LRCH1: variants seen among roughly 807,000 people sequenced by gnomAD.
LRCH1 encodes the protein leucine rich repeats and calponin homology domain containing 1.
In LRCH1, 23 loss-of-function variants were observed where a neutral mutation model predicts 94.9. That is an observed-to-expected ratio of 0.24 (90% CI 0.17 to 0.34). LRCH1 has a LOEUF of 0.34. LRCH1 is among the 10% of genes least tolerant of loss of function. The pLI, the probability that LRCH1 is intolerant of heterozygous loss-of-function variation, is 1.00. For missense variants in LRCH1, 790 were observed against 945.9 expected (o/e 0.84, Z 2.16); for synonymous variants, 364 against 354.9 (o/e 1.03, Z -0.29).
At chr13:46,680,315 A>C (rs2138140050) in intron 3 of LRCH1, 1 of 152,310 alleles carries the variant, frequency 6.6e-6, no homozygotes, top group African/African-American at 2.4e-5. Flanking sequence ...TTGGCACTCC[A>C]CCTGGCAGTG....
intron 2 of LRCH1, among the ~76,000 whole-genome samples, chr13:46,656,703 G>C (rs766747929): frequency 2.0e-5 from 3 of 152,232 alleles, no homozygotes; most frequent in Non-Finnish European, 4.4e-5. Flanking sequence ...TTTACGCTTT[G>C]CCTTTTCTAG....
intron 16 of LRCH1, among the ~76,000 whole-genome samples, chr13:46,716,786 G>A (rs985707330): frequency 6.6e-6 from 1 of 151,998 alleles, no homozygotes; most frequent in African/African-American, 2.4e-5. Context: ...AAATAAATAG[G>A]ATTAAAAAAC....
intron 3 of LRCH1, among the ~76,000 whole-genome samples, chr13:46,674,561 T>C (rs1054982074): frequency 6.6e-6 from 1 of 152,236 alleles, no homozygotes; most frequent in African/African-American, 2.4e-5. Flanking sequence ...CTGAATGACT[T>C]CTATGTGCTC....
Position 46,696,068 on chromosome 13 carries a change from G to A in LRCH1, c.1245+1051G>A, listed in dbSNP as rs11841904. ...AGGTCACACCCATTGCCTTGTTTCT[G>A]TCCCCTGTCTCCATTGACATTGCTT... On this transcript the variant is annotated intron_variant, in intron 9 of 19. Coordinates refer to ENST00000389797, the MANE Select transcript of LRCH1 (RefSeq NM_001164211.2). 6.8e-3 allele frequency among the ~76,000 whole-genome samples: 1,041 copies of A among 152,158 alleles called. 15 individuals carry two copies. Among genetic ancestry groups the A allele is most frequent in the African/African-American group, 0.024 (976 of 41,526 alleles).
At chr13:46,707,939 A>T (rs1871854205) in intron 13 of LRCH1, among the ~76,000 whole-genome samples, 1 of 152,188 alleles carries the variant, frequency 6.6e-6, no homozygotes. Flanking sequence ...CTGAGTGATG[A>T]TGCAGGATTT....
intron 16 of LRCH1, among the ~76,000 whole-genome samples, chr13:46,721,292 G>A (rs1872572917): frequency 1.3e-5 from 2 of 152,162 alleles, no homozygotes; most frequent in Non-Finnish European, 2.9e-5. Flanking sequence ...GAAAGTAACA[G>A]CTCCAAAGAA....
intron 1 of LRCH1, among the ~76,000 whole-genome samples, chr13:46,573,866 A>ATATTT: frequency 4.7e-5 from 3 of 63,414 alleles, no homozygotes; most frequent in African/African-American, 1.6e-4. Flanking sequence ...ATATATATAT[A>ATATTT]TTTTTTTTTT....
chr13:46,645,978 G>A (rs1024044634), intron 1 of LRCH1, among the ~76,000 whole-genome samples: 3 of 152,168 alleles, frequency 2.0e-5, no homozygotes, highest in Non-Finnish European at 4.4e-5. Context: ...CTTTCTTTGA[G>A]TTGAACCTGA....
intron 1 of LRCH1, among the ~76,000 whole-genome samples, chr13:46,647,415 T>C (rs1235104155): frequency 6.6e-6 from 1 of 152,162 alleles, no homozygotes; most frequent in Non-Finnish European, 1.5e-5. Context: ...CATTCGTATA[T>C]CATTTTCTGT....
intron 8 of LRCH1, among the ~76,000 whole-genome samples, chr13:46,693,739 T>A (rs1180197443): frequency 6.6e-6 from 1 of 152,236 alleles, no homozygotes; most frequent in East Asian, 1.9e-4. Flanking sequence ...GAAGCCCTCA[T>A]TGGGTAACAT....
At chr13:46,649,580 T>C (rs2051265513) in intron 1 of LRCH1, among the ~76,000 whole-genome samples, 1 of 152,196 alleles carries the variant, frequency 6.6e-6, no homozygotes, top group African/African-American at 2.4e-5. Flanking sequence ...CTCAGTCTTA[T>C]ATATTATAGG....
chr13:46,737,347 G>A (rs1873436167), intron 19 of LRCH1, among the ~76,000 whole-genome samples: 1 of 152,174 alleles, frequency 6.6e-6, no homozygotes, highest in African/African-American at 2.4e-5. Context: ...ACACCCTCCT[G>A]CCTTTGCCTC....
chr13:46,681,521 A>G (rs190658527), intron 3 of LRCH1, among the ~76,000 whole-genome samples: 65 of 152,298 alleles, frequency 4.3e-4, no homozygotes, highest in African/African-American at 1.0e-3. Flanking sequence ...GAATGCTACT[A>G]ATGTCCACCC....
At chr13:46,749,065 G>T (rs1038700329), downstream of LRCH1, among the ~76,000 whole-genome samples, 1 of 152,172 alleles carries the variant, frequency 6.6e-6, no homozygotes, top group East Asian at 1.9e-4. Flanking sequence ...AGAAGATCTG[G>T]TTCCTCAAGC....
At chr13:46,725,209 G>A (rs1227218998) in intron 17 of LRCH1, among the ~76,000 whole-genome samples, 2 of 151,444 alleles carry the variant, frequency 1.3e-5, no homozygotes, top group Non-Finnish European at 2.9e-5. Flanking sequence ...CAAAAGGGGA[G>A]AGATAGGGGG....
intron 7 of LRCH1, among the ~76,000 whole-genome samples, chr13:46,689,520 T>A (rs541198024): frequency 6.6e-6 from 1 of 152,274 alleles, no homozygotes; most frequent in Admixed American, 6.5e-5. Context: ...AGTACGCAAG[T>A]GCCCGTGAAG....
chr13:46,641,629 A>G (rs1485099614), intron 1 of LRCH1, among the ~76,000 whole-genome samples: 1 of 152,124 alleles, frequency 6.6e-6, no homozygotes, highest in Non-Finnish European at 1.5e-5. Flanking sequence ...GATGTTGCAA[A>G]CGAGGTTCCC....
chr13:46,699,951 A>T (rs777270999), intron 10 of LRCH1, among the ~76,000 whole-genome samples: 2 of 152,220 alleles, frequency 1.3e-5, no homozygotes, highest in Non-Finnish European at 2.9e-5. Context: ...CATTTCACAG[A>T]TGACGAAACT....
chr13:46,668,385 G>A (rs1247274844), intron 2 of LRCH1, among the ~76,000 whole-genome samples: 1 of 152,196 alleles, frequency 6.6e-6, no homozygotes, highest in Admixed American at 6.5e-5. Flanking sequence ...CACTTTGCCA[G>A]AAGACCAACT....
Sources: gnomAD v4.1 joint callset for allele counts (sites outside exome capture counted in the v4.1 genomes callset) on GRCh38, gnomAD v4.1.1 for gene constraint, MANE v1.5 for transcripts, NCBI Gene and HGNC (gene_info 2026-07-23, HGNC 2026-07-21) for gene names.